Variants in GOLT1B observed in about 807,000 individuals in gnomAD.
The protein encoded by GOLT1B is golgi transport 1B.
A neutral mutation model predicts 15.4 loss-of-function variants in GOLT1B; 3 were observed. That is an observed-to-expected ratio of 0.19 (90% CI 0.09 to 0.50). The LOEUF is 0.50. GOLT1B is among the 20% of genes least tolerant of loss of function. GOLT1B has a pLI of 0.97. For missense variants in GOLT1B, 145 were observed against 160.4 expected (o/e 0.90, Z 0.52); for synonymous variants, 65 against 56.2 (o/e 1.16, Z -0.70).
chr12:21,509,717 G>A (rs924935650), intron 3 of GOLT1B, among the ~76,000 whole-genome samples: 1 of 152,116 alleles, frequency 6.6e-6, no homozygotes, highest in Non-Finnish European at 1.5e-5. Flanking sequence ...TGATAAACTG[G>A]GCTTTGAAGA....
Position 21,515,731 on chromosome 12 carries a change from T to C in GOLT1B, c.*24T>C. 3.0e-6 allele frequency: 3 copies of C among 1,016,022 alleles called. No homozygotes were observed. Among genetic ancestry groups the C allele is most frequent in the Non-Finnish European group, 4.6e-6 (3 of 655,012 alleles). 62.9% of individuals were successfully genotyped at this position (1,016,022 alleles called of 1,614,324 possible). A position where few individuals can be genotyped will look rare whatever the true frequency, so the allele number is the denominator to read the frequency against. On this transcript the variant is annotated 3_prime_UTR_variant, in exon 5 of 5. Coordinates refer to ENST00000229314, the MANE Select transcript of GOLT1B (RefSeq NM_016072.5). ...AACAACAAGTGAATTTGAAGACTCA[T>C]TTAAAATATTGTGTTATTTATAAAG...
chr12:21,508,510 G>C lies in GOLT1B; in HGVS notation c.245G>C (p.Trp82Ser). ...LGGVFVVLIG[W>S]PLIGMIFEIY... ...GGTGTATTTGTAGTCCTTATTGGTT[G>C]GCCTTTGATAGGCATGATCTTCGAA... Residue 82 changes from tryptophan (W) to serine (S), a missense_variant, in exon 3 of 5, where the codon TGG becomes TCG. Physicochemically the swap from Trp to Ser is radical, Grantham distance 177 (BLOSUM62 -3). Coordinates refer to ENST00000229314, the MANE Select transcript of GOLT1B (RefSeq NM_016072.5). 1 of 1,586,658 alleles carries C rather than the reference G, an allele frequency of 6.3e-7. No individual in the cohort carries two copies. The highest frequency in any genetic ancestry group is 8.6e-7 in the Non-Finnish European group (1 of 1,158,470).
rs1565579717 is a variant in GOLT1B, at chr12:21,501,944, G to T, written c.21G>T (p.Thr7=). The T allele has an allele frequency of 6.2e-7, 1 of 1,608,120 alleles. No homozygotes were observed. Among genetic ancestry groups the T allele is most frequent in the South Asian group, 1.1e-5 (1 of 90,880 alleles). The part of the protein sequence containing the change: MISLTD[T]QKIGMGLTGF... ...CAGCCATGATCTCCTTAACGGACAC[G>T]CAGAGTAAGCACCTGCTCCGGGGCC... Residue 7 remains threonine, a synonymous_variant, in exon 1 of 5, where the codon ACG becomes ACT. Coordinates refer to ENST00000229314, the MANE Select transcript of GOLT1B (RefSeq NM_016072.5).
chr12:21,505,527 A>G (rs1943672760), intron 1 of GOLT1B, among the ~76,000 whole-genome samples: 1 of 152,188 alleles, frequency 6.6e-6, no homozygotes, highest in Non-Finnish European at 1.5e-5. Context: ...AGGTACCTGA[A>G]TTATTTTAGA....
chr12:21,512,354 T>G lies in GOLT1B; in HGVS notation c.356T>G (p.Leu119Arg). 4 of 1,525,784 alleles carry G rather than the reference T, an allele frequency of 2.6e-6. No individual in the cohort carries two copies. The highest frequency in any genetic ancestry group is 3.6e-6 in the Non-Finnish European group (4 of 1,100,108). 94.5% of individuals were successfully genotyped at this position (1,525,784 alleles called of 1,614,324 possible). Reference protein sequence around the residue: ...IRRVPVLGSLLNLPGIRSFVD... With the variant: ...IRRVPVLGSLRNLPGIRSFVD... The stretch of plus-strand genomic sequence containing the variant: ...AGAGTGCCAGTCCTTGGATCCCTCC[T>G]AAATTTACCTGGAATTAGATCAGTA... Residue 119 changes from leucine (L) to arginine (R), a missense_variant, in exon 4 of 5, where the codon CTA (leucine) becomes CGA (arginine). Transcript: ENST00000229314.
At chr12:21,512,177 T>C in intron 3 of GOLT1B, 118 bp from the exon 4 acceptor site, 2 of 647,274 alleles carry the variant, frequency 3.1e-6, no homozygotes, top group African/African-American at 3.7e-5. Context: ...TATTTCTAAG[T>C]TTGAAGACCC....
chr12:21,502,019 G>T lies in GOLT1B; in HGVS notation c.25+71G>T, dbSNP rs528933919. 4 of 1,088,026 alleles carry T rather than the reference G, an allele frequency of 3.7e-6. No homozygotes were observed. The East Asian group carries it at 9.5e-5, about 26-fold the overall frequency. 67.4% of individuals were successfully genotyped at this position (1,088,026 alleles called of 1,614,324 possible). A position where few individuals can be genotyped will look rare whatever the true frequency, so the allele number is the denominator to read the frequency against. ...TCGCCCGGCTGGGTCTCGCCCCTCCGCCGGGGTCAATGAATGAAGCTCTGG... is the reference window on the plus strand; with the variant it reads ...TCGCCCGGCTGGGTCTCGCCCCTCCTCCGGGGTCAATGAATGAAGCTCTGG... On this transcript the variant is annotated intron_variant, in intron 1 of 4. Transcript: ENST00000229314.
In GOLT1B at chr12:21,502,084, G is replaced by A. The variant is rs1289323438; in HGVS notation, c.25+136G>A. ...CCTGCGAGACAGAGCTAGGGCTGCT[G>A]GGACCCTAAGGGGCTGCCTTCGGGA... is the stretch of plus-strand genomic sequence containing the variant. On this transcript the variant is annotated intron_variant, in intron 1 of 4. Coordinates refer to ENST00000229314, the MANE Select transcript of GOLT1B (RefSeq NM_016072.5). 3.0e-5 allele frequency: 21 copies of A among 698,744 alleles called. No individual in the cohort carries two copies. In the South Asian group the frequency reaches 3.2e-4, roughly 11 times the overall value. 43.3% of individuals were successfully genotyped at this position (698,744 alleles called of 1,614,324 possible).
Position 21,516,608 on chromosome 12 carries a change from T to C in GOLT1B, c.*901T>C, listed in dbSNP as rs973231967. 1 of 152,140 alleles carries C rather than the reference T, an allele frequency of 6.6e-6. No individual in the cohort carries two copies. The highest frequency in any genetic ancestry group is 2.4e-5 in the African/African-American group (1 of 41,464). The allele number at this position is 152,140 out of a possible 1,614,324, so 9.4% of individuals were successfully genotyped here. On this transcript the variant is annotated 3_prime_UTR_variant, in exon 5 of 5. Coordinates refer to ENST00000229314, the MANE Select transcript of GOLT1B (RefSeq NM_016072.5). ...TGTAATTTTTCTTTCTTCTTTCTTT[T>C]TTTTAAATTTTAGCAGTGGCTTATT...
chr12:21,511,387 G>A (rs565028682), intron 3 of GOLT1B, among the ~76,000 whole-genome samples: 175 of 110,274 alleles, frequency 1.6e-3, no homozygotes, highest in African/African-American at 5.4e-3. Context: ...TCAGCTATCC[G>A]GAAGCTCCCT....
intron 2 of GOLT1B, chr12:21,507,966 A>G (rs1325907231): frequency 2.2e-6 from 1 of 454,548 alleles, no homozygotes; most frequent in Non-Finnish European, 4.4e-6. Context: ...CCTATGATGA[A>G]TATTTCAGAA....
chr12:21,514,416 A>G (rs1943741664), intron 4 of GOLT1B, among the ~76,000 whole-genome samples: 1 of 152,192 alleles, frequency 6.6e-6, no homozygotes, highest in Admixed American at 6.5e-5. Context: ...GCCTAATCCC[A>G]TTTCCATCCC....
At chr12:21,510,850 G>C (rs7312591) in intron 3 of GOLT1B, among the ~76,000 whole-genome samples, 134,538 of 152,190 alleles carry the variant, frequency 0.88, 59,714 homozygotes, top group Non-Finnish European at 0.93. Context: ...CTTCTGAATT[G>C]TATTCATTGT....
chr12:21,505,384 T>C (rs1427361483), intron 1 of GOLT1B, among the ~76,000 whole-genome samples: 1 of 152,208 alleles, frequency 6.6e-6, no homozygotes, highest in Non-Finnish European at 1.5e-5. Context: ...CATATTTTCC[T>C]CTATGAAATT....
At chr12:21,514,731 A>G (rs1009388199) in intron 4 of GOLT1B, among the ~76,000 whole-genome samples, 1 of 152,196 alleles carries the variant, frequency 6.6e-6, no homozygotes, top group African/African-American at 2.4e-5. Context: ...TGAAACTTCT[A>G]GTTACAGAGT....
chr12:21,504,620 T>A (rs748364035), intron 1 of GOLT1B: 4 of 496,510 alleles, frequency 8.1e-6, no homozygotes, highest in Non-Finnish European at 1.6e-5. Context: ...CACACACACA[T>A]TTTTGCTGCT....
chr12:21,515,290 TGG>T, intron 4 of GOLT1B: 1 of 1,304,182 alleles, frequency 7.7e-7, no homozygotes, highest in East Asian at 2.5e-5. Context: ...AATATCTTAT[TGG>T]GTTCATTAAT....
intron 2 of GOLT1B, 120 bp downstream of exon 2, chr12:21,507,096 T>C: frequency 1.5e-6 from 1 of 675,814 alleles, no homozygotes. Flanking sequence ...TAATTCCTGT[T>C]ACATTCTCTA....
intron 4 of GOLT1B, chr12:21,515,159 A>G: frequency 1.4e-6 from 1 of 712,878 alleles, no homozygotes; most frequent in South Asian, 1.7e-5. Context: ...CAAAGTCCAG[A>G]ATACACATTT....
Sources: gnomAD v4.1 joint callset for allele counts (sites outside exome capture counted in the v4.1 genomes callset) on GRCh38, gnomAD v4.1.1 for gene constraint, MANE v1.5 for transcripts, NCBI Gene and HGNC (gene_info 2026-07-23, HGNC 2026-07-21) for gene names.